The following ADCY8 variants were observed in gnomAD, a reference collection of about 807,000 sequenced individuals.
ADCY8 encodes adenylate cyclase type 8.
A neutral mutation model predicts 119.7 loss-of-function variants in ADCY8; 51 were observed. The observed-to-expected ratio is 0.43, with a 90% CI of 0.34 to 0.54. The LOEUF is 0.54. Among genes scored for constraint, ADCY8 ranks in the 20% least tolerant of loss-of-function variants. The pLI, the probability that ADCY8 is intolerant of heterozygous loss-of-function variation, is 0.03. For missense variants in ADCY8, 1,383 were observed against 1,598.8 expected (o/e 0.87, Z 2.30); for synonymous variants, 665 against 651.0 (o/e 1.02, Z -0.33).
intron 1 of ADCY8, among the ~76,000 whole-genome samples, chr8:131,026,129 CAT>C (rs1563772990): frequency 2.6e-5 from 4 of 152,258 alleles, no homozygotes; most frequent in South Asian, 4.1e-4. Context: ...CCAAAATACA[CAT>C]GTTAAAATGC....
In ADCY8 at chr8:130,986,473, G is replaced by A. The variant is rs1044235179; in HGVS notation, c.1110+3920C>T. Among the ~76,000 whole-genome samples, 3 of 152,242 alleles carry A rather than the reference G, an allele frequency of 2.0e-5. 1 individual carries two copies. The highest frequency in any genetic ancestry group is 4.4e-5 in the Non-Finnish European group (3 of 68,034). The stretch of plus-strand genomic sequence containing the variant: ...AACTAGTCTTTAGAGATTGTGGAGA[G>A]AGAGAGAAGCACAGAGTAGTATATG... On this transcript the variant is annotated intron_variant, in intron 2 of 17. Transcript: ENST00000286355.
chr8:131,006,023 CTCTCTCTCTCTT>C (rs933675172), intron 1 of ADCY8, among the ~76,000 whole-genome samples: 10 of 152,090 alleles, frequency 6.6e-5, no homozygotes, highest in Non-Finnish European at 1.3e-4. Context: ...CAAATTCTCT[CTCTCTCTCTCTT>C]TCTCTCTCTC....
rs5895055 is a variant in ADCY8 at position 130,780,361 on chromosome 8, C to CAAAAAAA, written c.*22_*28dup. On this transcript the variant is annotated 3_prime_UTR_variant, in exon 18 of 18. Coordinates refer to ENST00000286355, the MANE Select transcript of ADCY8 (RefSeq NM_001115.3). Reference sequence around the variant, plus strand: ...ATTTATTTTATATATAAAAGAAATACAAAAAAAAAAAACAGAAAGAAAATG... The same window carrying CAAAAAAA: ...ATTTATTTTATATATAAAAGAAATACAAAAAAAAAAAAAAAAAAACAGAAAGAAAATG... 213 of 1,281,074 alleles carry CAAAAAAA rather than the reference C, an allele frequency of 1.7e-4. No homozygotes were observed. Among genetic ancestry groups the CAAAAAAA allele is most frequent in the Non-Finnish European group, 1.9e-4 (186 of 1,000,018 alleles). The allele number at this position is 1,281,074 out of a possible 1,614,324, so 79.4% of individuals were successfully genotyped here.
At chr8:131,028,182 A>G (rs531178323) in intron 1 of ADCY8, among the ~76,000 whole-genome samples, 1 of 152,358 alleles carries the variant, frequency 6.6e-6, no homozygotes, top group Non-Finnish European at 1.5e-5. Context: ...TAGCAAAAAC[A>G]GGAGGAGAAT....
In ADCY8 at chr8:130,937,189, G is replaced by A; in HGVS notation, c.1365C>T (p.Cys455=). Residue 455 remains cysteine, a synonymous_variant, in exon 5 of 18, where the codon TGC becomes TGT. Transcript: ENST00000286355. ...RFDRLAHEHH[C]LRIKILGDCY... ...AGTCCCCCAGGATTTTAATACGAAG[G>A]CAGTGATGCTCCTGGAAGGAACAGG... 6.2e-7 allele frequency: 1 copy of A among 1,613,598 alleles called. No individual in the cohort carries two copies. Among genetic ancestry groups the A allele is most frequent in the Non-Finnish European group, 8.5e-7 (1 of 1,179,746 alleles).
intron 9 of ADCY8, among the ~76,000 whole-genome samples, chr8:130,854,804 T>C: frequency 1.0e-5 from 1 of 98,154 alleles, no homozygotes; most frequent in East Asian, 3.1e-4. Flanking sequence ...TTTCCCTCCG[T>C]CCCTCCCTCC....
intron 8 of ADCY8, among the ~76,000 whole-genome samples, chr8:130,872,413 G>T (rs1818401051): frequency 6.6e-6 from 1 of 152,150 alleles, no homozygotes; most frequent in Non-Finnish European, 1.5e-5. Context: ...AGAATGCAGG[G>T]ACTCACTGGC....
intron 12 of ADCY8, among the ~76,000 whole-genome samples, chr8:130,833,266 T>C (rs76566998): frequency 0.045 from 6,893 of 152,302 alleles, 167 homozygotes; most frequent in Middle Eastern, 0.12. Flanking sequence ...TGTTATTTAC[T>C]GGCCGTGTGA....
intron 3 of ADCY8, among the ~76,000 whole-genome samples, chr8:130,948,763 T>C (rs1327080352): frequency 6.6e-6 from 1 of 151,806 alleles, no homozygotes; most frequent in African/African-American, 2.4e-5. Context: ...GCAGCGGGGT[T>C]GCTTTGGGGG....
At chr8:130,882,868 G>C (rs946240333) in intron 8 of ADCY8, among the ~76,000 whole-genome samples, 1 of 152,200 alleles carries the variant, frequency 6.6e-6, no homozygotes, top group African/African-American at 2.4e-5. Flanking sequence ...GTAAGAGTCA[G>C]TGAAGAATAT....
chr8:131,032,931 A>G (rs1380382363), intron 1 of ADCY8, among the ~76,000 whole-genome samples: 1 of 152,182 alleles, frequency 6.6e-6, no homozygotes, highest in Admixed American at 6.5e-5. Context: ...TTGCCAACTG[A>G]GGTTCAAACC....
At chr8:130,820,702 C>T (rs1816481572) in intron 13 of ADCY8, among the ~76,000 whole-genome samples, 1 of 152,168 alleles carries the variant, frequency 6.6e-6, no homozygotes, top group African/African-American at 2.4e-5. Context: ...GCCCACAGTG[C>T]CCACTCCAGA....
At position 130,916,209 on chromosome 8, in the gene ADCY8, G is replaced by A. The variant is rs149898009; in HGVS notation, c.1482-6343C>T. Among the ~76,000 whole-genome samples the A allele has an allele frequency of 6.6e-4, 100 of 152,302 alleles. 1 individual carries two copies. Among genetic ancestry groups the A allele is most frequent in the African/African-American group, 2.4e-3 (98 of 41,566 alleles). Reference sequence around the variant, plus strand: ...TACTTCCCTGCATGGCTTCTTTAAAGGGAAATACAAAAGGAAGTATGTGGA... The same window carrying A: ...TACTTCCCTGCATGGCTTCTTTAAAAGGAAATACAAAAGGAAGTATGTGGA... On this transcript the variant is annotated intron_variant, in intron 5 of 17. Coordinates refer to ENST00000286355, the MANE Select transcript of ADCY8 (RefSeq NM_001115.3).
intron 1 of ADCY8, among the ~76,000 whole-genome samples, chr8:131,021,299 C>T (rs1474205097): frequency 1.3e-5 from 2 of 152,082 alleles, no homozygotes; most frequent in Admixed American, 6.5e-5. Flanking sequence ...GCCCACCAAC[C>T]TTCTGTATGG....
chr8:131,011,523 C>G (rs1175600842), intron 1 of ADCY8, among the ~76,000 whole-genome samples: 1 of 152,128 alleles, frequency 6.6e-6, no homozygotes, highest in African/African-American at 2.4e-5. Flanking sequence ...GTGCCTGACC[C>G]CCAGAGGATG....
At chr8:130,970,305 G>T (rs1020719804) in intron 2 of ADCY8, among the ~76,000 whole-genome samples, 20 of 152,218 alleles carry the variant, frequency 1.3e-4, no homozygotes, top group African/African-American at 4.8e-4. Flanking sequence ...CCTCCTGTCA[G>T]ATCGGTGGCA....
At chr8:130,811,159 T>C (rs1254228238) in intron 14 of ADCY8, among the ~76,000 whole-genome samples, 2 of 151,692 alleles carry the variant, frequency 1.3e-5, no homozygotes, top group Non-Finnish European at 2.9e-5. Flanking sequence ...GAGGGTGGAG[T>C]CTCCGCACCC....
intron 14 of ADCY8, among the ~76,000 whole-genome samples, chr8:130,806,228 C>T (rs1815952546): frequency 6.6e-6 from 1 of 152,152 alleles, no homozygotes; most frequent in Non-Finnish European, 1.5e-5. Flanking sequence ...CCTTGGTGGC[C>T]CTGAGATGCT....
At chr8:130,857,348 T>C (rs201695935) in intron 9 of ADCY8, among the ~76,000 whole-genome samples, 10 of 68 alleles carry the variant, frequency 0.15, no homozygotes, top group Admixed American at 0.4. Flanking sequence ...ATTTCTTTAT[T>C]AGTTTTATCC....
Sources: allele counts gnomAD v4.1 joint callset (sites outside exome capture counted in the v4.1 genomes callset), GRCh38; gene constraint gnomAD v4.1.1; transcripts MANE v1.5; gene names NCBI Gene and HGNC (gene_info 2026-07-23, HGNC 2026-07-21).